ZRANB3: variants seen among roughly 807,000 people sequenced by gnomAD.
The protein encoded by ZRANB3 is zinc finger RANBP2-type containing 3, also known as DNA annealing helicase and endonuclease ZRANB3.
ZRANB3 carries 125 observed loss-of-function variants against 133.8 expected under a neutral mutation model. The ratio of observed to expected loss-of-function variants is 0.93; its 90% confidence interval spans 0.81 to 1.08. The LOEUF is 1.08. ZRANB3 is among the 50% of genes least tolerant of loss of function. ZRANB3 has a pLI of 0.00. For missense variants in ZRANB3, 1,229 were observed against 1,275.5 expected (o/e 0.96, Z 0.56); for synonymous variants, 387 against 432.7 (o/e 0.89, Z 1.31).
intron 6 of ZRANB3, among the ~76,000 whole-genome samples, chr2:135,340,495 G>C (rs1024691245): frequency 6.6e-6 from 1 of 151,754 alleles, no homozygotes; most frequent in Non-Finnish European, 1.5e-5. Flanking sequence ...CAATTTTCTG[G>C]ATCTACAAGA....
intron 3 of ZRANB3, among the ~76,000 whole-genome samples, chr2:135,366,239 T>C (rs556147873): frequency 6.6e-6 from 1 of 152,224 alleles, no homozygotes; most frequent in East Asian, 1.9e-4. Flanking sequence ...ATTCAGAACG[T>C]ACACCCTTTT....
intron 12 of ZRANB3, among the ~76,000 whole-genome samples, chr2:135,238,386 T>C (rs577297910): frequency 6.7e-6 from 1 of 148,668 alleles, no homozygotes; most frequent in Non-Finnish European, 1.5e-5. Context: ...AAAGTAATGC[T>C]GTGTGACTTT....
intron 2 of ZRANB3, among the ~76,000 whole-genome samples, chr2:135,430,624 A>G (rs1223273322): frequency 1.3e-5 from 2 of 152,168 alleles, no homozygotes; most frequent in African/African-American, 4.8e-5. Context: ...TTCAGCTCTA[A>G]GTAGAGTTTT....
chr2:135,493,367 A>T (rs1172199222), intron 2 of ZRANB3, among the ~76,000 whole-genome samples: 2 of 150,998 alleles, frequency 1.3e-5, no homozygotes, highest in Admixed American at 1.3e-4. Flanking sequence ...AAAGGAGGCT[A>T]CAGACTAGGG....
In ZRANB3 at chr2:135,416,467, A is replaced by C. The variant is rs1267145612; in HGVS notation, c.162-25647T>G. Among the ~76,000 whole-genome samples the C allele has an allele frequency of 2.6e-5, 4 of 152,132 alleles. No homozygotes were observed. In the East Asian group the frequency reaches 7.7e-4, roughly 29 times the overall value. ...CTCAATGAAATAAAAGAGGATACAA[A>C]CAAATCGAAGAACATTCCATGCTCA... On this transcript the variant is annotated intron_variant, in intron 2 of 20. Coordinates refer to ENST00000264159, the MANE Select transcript of ZRANB3 (RefSeq NM_032143.4).
At chr2:135,478,556 T>C (rs1433353691) in intron 2 of ZRANB3, among the ~76,000 whole-genome samples, 2 of 152,220 alleles carry the variant, frequency 1.3e-5, no homozygotes, top group African/African-American at 2.4e-5. Context: ...TAAATGGACA[T>C]ATACACTTAA....
intron 17 of ZRANB3, among the ~76,000 whole-genome samples, chr2:135,217,075 AG>A (rs1694341493): frequency 6.6e-6 from 1 of 152,208 alleles, no homozygotes; most frequent in African/African-American, 2.4e-5. Flanking sequence ...CTTGCTGCAC[AG>A]CATCATACTC....
At chr2:135,406,637 T>G (rs1288526694) in intron 2 of ZRANB3, among the ~76,000 whole-genome samples, 1 of 152,198 alleles carries the variant, frequency 6.6e-6, no homozygotes, top group Non-Finnish European at 1.5e-5. Flanking sequence ...TCAAGTGGGC[T>G]TCATCCCTGG....
At chr2:135,449,032 C>A (rs961434218) in intron 2 of ZRANB3, among the ~76,000 whole-genome samples, 1 of 152,288 alleles carries the variant, frequency 6.6e-6, no homozygotes, top group African/African-American at 2.4e-5. Flanking sequence ...TACAACTACA[C>A]TGTAATACTA....
rs377677153 is a variant in ZRANB3, at chr2:135,366,999, C to T, written c.181-13371G>A. On this transcript the variant is annotated intron_variant, in intron 3 of 20. Coordinates refer to ENST00000264159, the MANE Select transcript of ZRANB3 (RefSeq NM_032143.4). Reference sequence around the variant, plus strand: ...TCATGCCATTGCACTCCAGCCTGGGCGACAGAGCGAGACTCCATCTCAAAA... The same window carrying T: ...TCATGCCATTGCACTCCAGCCTGGGTGACAGAGCGAGACTCCATCTCAAAA... 8.5e-5 allele frequency among the ~76,000 whole-genome samples: 13 copies of T among 152,086 alleles called. No individual in the cohort carries two copies. In the South Asian group the frequency reaches 1.0e-3, roughly 12 times the overall value.
intron 1 of ZRANB3, among the ~76,000 whole-genome samples, chr2:135,515,245 C>T (rs1408688720): frequency 1.3e-5 from 2 of 152,086 alleles, no homozygotes; most frequent in African/African-American, 2.4e-5. Flanking sequence ...GGTACAAATT[C>T]GGCCGTGAAT....
intron 4 of ZRANB3, among the ~76,000 whole-genome samples, chr2:135,352,349 A>T (rs894730791): frequency 2.6e-5 from 4 of 151,030 alleles, no homozygotes; most frequent in African/African-American, 9.8e-5. Flanking sequence ...AAAAAAAATT[A>T]ATTAATTAAA....
intron 15 of ZRANB3, among the ~76,000 whole-genome samples, chr2:135,219,579 T>C (rs1169630094): frequency 6.6e-6 from 1 of 152,220 alleles, no homozygotes; most frequent in South Asian, 2.1e-4. Flanking sequence ...CATTCCAAAT[T>C]TGCAAATAAA....
At chr2:135,273,183 CA>C (rs1330250618) in intron 9 of ZRANB3, among the ~76,000 whole-genome samples, 123 of 78,874 alleles carry the variant, frequency 1.6e-3, no homozygotes, top group Non-Finnish European at 1.9e-3. Flanking sequence ...GAGACTGTCT[CA>C]AAAAAAAAAA....
intron 2 of ZRANB3, among the ~76,000 whole-genome samples, chr2:135,500,215 T>C (rs575802718): frequency 7.5e-6 from 1 of 133,028 alleles, no homozygotes; most frequent in South Asian, 2.1e-4. Context: ...AGCAAACTAA[T>C]ATAGGCATTA....
At chr2:135,506,674 A>G (rs1483175631) in intron 1 of ZRANB3, among the ~76,000 whole-genome samples, 1 of 152,244 alleles carries the variant, frequency 6.6e-6, no homozygotes, top group Non-Finnish European at 1.5e-5. Context: ...AATAGTAAAG[A>G]TACAGAACAT....
At chr2:135,345,897 T>A (rs1274017380) in intron 5 of ZRANB3, among the ~76,000 whole-genome samples, 2 of 152,188 alleles carry the variant, frequency 1.3e-5, no homozygotes, top group Non-Finnish European at 2.9e-5. Flanking sequence ...ATTGTTACAC[T>A]AGAATTTTGT....
At chr2:135,358,070 T>C (rs1348645850) in intron 3 of ZRANB3, among the ~76,000 whole-genome samples, 1 of 152,186 alleles carries the variant, frequency 6.6e-6, no homozygotes, top group Non-Finnish European at 1.5e-5. Flanking sequence ...CAACGCAAGA[T>C]ATCTGTAAAC....
intron 12 of ZRANB3, among the ~76,000 whole-genome samples, chr2:135,244,608 AAAATAAAT>A (rs144505977): frequency 2.5e-4 from 37 of 150,986 alleles, no homozygotes; most frequent in Non-Finnish European, 3.8e-4. Context: ...CTCCATCTCA[AAAATAAAT>A]AAATAAATAA....
Sources: gnomAD v4.1 joint callset for allele counts (sites outside exome capture counted in the v4.1 genomes callset) on GRCh38, gnomAD v4.1.1 for gene constraint, MANE v1.5 for transcripts, NCBI Gene and HGNC (gene_info 2026-07-23, HGNC 2026-07-21) for gene names.